SFTPA2: variants seen among roughly 807,000 people sequenced by gnomAD.
SFTPA2 encodes the protein surfactant protein A2.
In SFTPA2, 21 loss-of-function variants were observed where a neutral mutation model predicts 20.3. That is an observed-to-expected ratio of 1.03 (90% CI 0.73 to 1.49). The LOEUF (loss-of-function observed/expected upper bound fraction) is 1.49. Among genes scored for constraint, SFTPA2 ranks in the 40% most tolerant of loss-of-function variants. The pLI is 0.00. For missense variants in SFTPA2, 302 were observed against 314.8 expected (o/e 0.96, Z 0.31); for synonymous variants, 116 against 118.7 (o/e 0.98, Z 0.15).
In SFTPA2 at chr10:79,558,955, G is replaced by A. The variant is rs759254147; in HGVS notation, c.223C>T (p.Leu75=). Reference sequence around the variant, plus strand: ...CCAGGGACACCAGGGGCTCCAGGCAGCCCATTATTCCCAGGAGGACATGGT... The same window carrying A: ...CCAGGGACACCAGGGGCTCCAGGCAACCCATTATTCCCAGGAGGACATGGT... ...ETPCPPGNNG[L]PGAPGVPGER... is the part of the protein sequence containing the mutation. The change falls in exon 4 of 6, where the codon CTG becomes TTG. Residue 75 remains leucine (L), a synonymous_variant. Transcript: ENST00000372325. The A allele has an allele frequency of 3.6e-5, 58 of 1,613,990 alleles. 1 individual carries two copies. In the South Asian group the frequency reaches 5.4e-4, roughly 15 times the overall value.
chr10:79,558,067 G>C lies in SFTPA2; in HGVS notation c.355C>G (p.Leu119Val), dbSNP rs745542261. ...ATLHDFRHQI[L>V]QTRGALSLQG... ...GTCCCCTTACCTCCCCTTGTCTGCA[G>C]GATTTGATGTCTGAAGTCGTGGAGT... Residue 119 changes from leucine to valine, a missense_variant, in exon 5 of 6, where the codon CTG becomes GTG. By Grantham distance (32) the Leu-to-Val change is conservative. Coordinates refer to ENST00000372325, the MANE Select transcript of SFTPA2 (RefSeq NM_001098668.4). 1.1e-5 allele frequency: 17 copies of C among 1,613,982 alleles called. No individual in the cohort carries two copies. In the Admixed American group the frequency reaches 2.8e-4, roughly 27 times the overall value.
Position 79,557,904 on chromosome 10 carries a change from C to T in SFTPA2, c.370+148G>A, listed in dbSNP as rs1025898073. The T allele has an allele frequency of 1.8e-5, 24 of 1,370,838 alleles. No homozygotes were observed. The African/African-American group carries it at 3.0e-4, about 17-fold the overall frequency. 84.9% of individuals were successfully genotyped at this position (1,370,838 alleles called of 1,614,324 possible). A position where few individuals can be genotyped will look rare whatever the true frequency, so the allele number is the denominator to read the frequency against. ...GTCTGCTTGTCTCCTCTTGGCCATT[C>T]AAAGACATCAGAAAAGCAAGCATCA... On this transcript the variant is annotated intron_variant, in intron 5 of 5. Coordinates refer to ENST00000372325, the MANE Select transcript of SFTPA2 (RefSeq NM_001098668.4).
intron 2 of SFTPA2, 92 bp downstream of exon 2, chr10:79,559,877 A>G (rs1859088801): frequency 2.2e-6 from 3 of 1,384,932 alleles, no homozygotes; most frequent in Non-Finnish European, 2.8e-6. Flanking sequence ...GCTCTGCAGA[A>G]AACCTGCCCT....
intron 4 of SFTPA2, 126 bp downstream of exon 4, chr10:79,558,760 T>A: frequency 6.6e-7 from 1 of 1,512,310 alleles, no homozygotes; most frequent in Non-Finnish European, 9.2e-7. Context: ...CATATTCTCT[T>A]ACTTAGGTTG....
rs748132414 is a variant in SFTPA2, at chr10:79,558,164, G to A, written c.293-35C>T. 1.9e-6 allele frequency: 3 copies of A among 1,613,830 alleles called. No individual in the cohort carries two copies. The South Asian group carries it at 3.3e-5, about 18-fold the overall frequency. On this transcript the variant is annotated intron_variant, in intron 4 of 5. Coordinates refer to ENST00000372325, the MANE Select transcript of SFTPA2 (RefSeq NM_001098668.4). The stretch of plus-strand genomic sequence containing the variant: ...GTGCCCCACACAGAAGGAGGGGCAG[G>A]CCAGTGAAGACTCCCACTTGCTGCC...
chr10:79,560,006 T>G lies in SFTPA2; in HGVS notation c.-53-8A>C. The G allele has an allele frequency of 8.6e-7, 1 of 1,161,614 alleles. No homozygotes were observed. Among genetic ancestry groups the G allele is most frequent in the Non-Finnish European group, 1.1e-6 (1 of 936,882 alleles). 72.0% of individuals were successfully genotyped at this position (1,161,614 alleles called of 1,614,324 possible). On this transcript the variant is annotated splice_polypyrimidine_tract_variant and splice_region_variant and intron_variant, in intron 1 of 5. Coordinates refer to ENST00000372325, the MANE Select transcript of SFTPA2 (RefSeq NM_001098668.4). The stretch of plus-strand genomic sequence containing the variant: ...CTCCAAGAAATCAGCGACCTGAGAA[T>G]GAAAAGAGATGAATAGGGCCCACAG...
rs966470674 is a variant in SFTPA2, at chr10:79,559,980, G to T, written c.-35C>A. 2 of 1,216,524 alleles carry T rather than the reference G, an allele frequency of 1.6e-6. No homozygotes were observed. The highest frequency in any genetic ancestry group is 2.1e-6 in the Non-Finnish European group (2 of 972,024). The allele number at this position is 1,216,524 out of a possible 1,614,324, so 75.4% of individuals were successfully genotyped here. ...ATATGCCCAGTTACCTTCTTTTCAGGCTCCAAGAAATCAGCGACCTGAGAA... is the reference window on the plus strand; with the variant it reads ...ATATGCCCAGTTACCTTCTTTTCAGTCTCCAAGAAATCAGCGACCTGAGAA... On this transcript the variant is annotated 5_prime_UTR_variant, in exon 2 of 6. Transcript: ENST00000372325.
intron 5 of SFTPA2, 74 bp from the exon 6 acceptor site, chr10:79,557,659 G>A (rs1213729898): frequency 6.2e-7 from 1 of 1,602,112 alleles, no homozygotes; most frequent in Non-Finnish European, 8.5e-7. Context: ...TAGGGTCTCT[G>A]CTACCAGATT....
Position 79,557,106 on chromosome 10 carries a change from T to C in SFTPA2, c.*103A>G. The stretch of plus-strand genomic sequence containing the variant: ...TCCAGCTCTAATAGCCACAAGTGAA[T>C]TCTGTTGAAAGGGAGTTCTAGCATC... On this transcript the variant is annotated 3_prime_UTR_variant, in exon 6 of 6. Coordinates refer to ENST00000372325, the MANE Select transcript of SFTPA2 (RefSeq NM_001098668.4). 6.3e-7 allele frequency: 1 copy of C among 1,597,664 alleles called. No individual in the cohort carries two copies. The highest frequency in any genetic ancestry group is 8.6e-7 in the Non-Finnish European group (1 of 1,168,842).
rs1859045947 is a variant in SFTPA2 at position 79,559,421 on chromosome 10, T to G, written c.63A>C (p.Glu21Asp). The change falls in exon 3 of 6, where the codon GAA becomes GAC. Residue 21 changes from glutamate to aspartate, a missense_variant. Around this residue, in one of 3 missense-constraint regions of SFTPA2, gnomAD observed 31 missense variants for 29.8 expected, o/e 1.04. Transcript: ENST00000372325. ...GGCTTCCAACACAAACGTCCTTCAC[T>G]TCGCACGCAGCACCAGAGGCTGCCA... Reference protein sequence around the residue: ...ILMAASGAACEVKDVCVGSPG... With the variant: ...ILMAASGAACDVKDVCVGSPG... 6.2e-7 allele frequency: 1 copy of G among 1,613,516 alleles called. No homozygotes were observed.
At chr10:79,558,558 T>A (rs1336361858) in intron 4 of SFTPA2, among the ~76,000 whole-genome samples, 1 of 152,066 alleles carries the variant, frequency 6.6e-6, no homozygotes, top group Non-Finnish European at 1.5e-5. Context: ...CTCGTCCGCA[T>A]TCACCCTTCA....
In SFTPA2 at chr10:79,559,450, A is replaced by G. The variant is rs1390109965; in HGVS notation, c.34T>C (p.Leu12=). The change falls in exon 3 of 6, where the codon TTG becomes CTG. Residue 12 remains leucine (L), a synonymous_variant. Transcript: ENST00000372325. ...WLCPLALTLI[L]MAASGAACEV... is the part of the protein sequence containing the mutation. ...CACGCAGCACCAGAGGCTGCCATCA[A>G]GATGAGGGTGAGGGCCAGAGGGCAC... The G allele has an allele frequency of 1.5e-5, 25 of 1,613,460 alleles. No individual in the cohort carries two copies. Among genetic ancestry groups the G allele is most frequent in the Non-Finnish European group, 2.1e-5 (25 of 1,179,708 alleles).
At chr10:79,559,151 A>G in intron 3 of SFTPA2, 146 bp from the exon 4 acceptor site, 1 of 1,556,066 alleles carries the variant, frequency 6.4e-7, no homozygotes, top group Non-Finnish European at 8.8e-7. Context: ...ATGCGCCATC[A>G]TAAGGGCCCC....
Position 79,557,211 on chromosome 10 carries a change from A to G in SFTPA2, c.745T>C (p.Ter249ArgextTer52), listed in dbSNP as rs542441694. 6 of 1,614,196 alleles carry G rather than the reference A, an allele frequency of 3.7e-6. No individual in the cohort carries two copies. The highest frequency in any genetic ancestry group is 1.7e-5 in the Admixed American group (1 of 60,034). The part of the protein sequence containing the change: ...LYSRLTICEF[*>R] ...CTGTCCCATGGCCTAAATGCCTCTC[A>G]GAACTCACAGATGGTCAGTCGGGAG... Residue 249 changes from the stop codon to arginine, a stop_lost, in exon 6 of 6, where the codon TGA becomes CGA. Transcript: ENST00000372325.
rs768012814 is a variant in SFTPA2 at position 79,558,993 on chromosome 10, G to A, written c.185C>T (p.Pro62Leu). ...AGGAGGACATGGTGTTTCTCCAGGC[G>A]GACCCATGGGGCCTGCAGAGAAAAG... Reference protein sequence around the residue: ...GDPGPPGPMGPPGETPCPPGN... With the variant: ...GDPGPPGPMGLPGETPCPPGN... The change falls in exon 4 of 6, where the codon CCG becomes CTG. Residue 62 changes from proline (P) to leucine (L), a missense_variant. By Grantham distance (98) the Pro-to-Leu change is moderately conservative. Around this residue, in one of 3 missense-constraint regions of SFTPA2, gnomAD observed 264 missense variants for 261.7 expected, o/e 1.01. Coordinates refer to ENST00000372325, the MANE Select transcript of SFTPA2 (RefSeq NM_001098668.4). 3.0e-5 allele frequency: 49 copies of A among 1,614,016 alleles called. No individual in the cohort carries two copies. The highest frequency in any genetic ancestry group is 1.7e-4 in the African/African-American group (13 of 74,912).
Position 79,558,926 on chromosome 10 carries a change from C to A in SFTPA2, c.252G>T (p.Glu84Asp), listed in dbSNP as rs747209364. 4 of 1,614,068 alleles carry A rather than the reference C, an allele frequency of 2.5e-6. No individual in the cohort carries two copies. In the African/African-American group the frequency reaches 5.3e-5, roughly 22 times the overall value. ...CGCCAGCCTCCCCCTTCTCTCCACG[C>A]TCTCCAGGGACACCAGGGGCTCCAG... is the stretch of plus-strand genomic sequence containing the variant. The part of the protein sequence containing the change: ...GLPGAPGVPG[E>D]RGEKGEAGER... The change falls in exon 4 of 6, where the codon GAG (glutamate) becomes GAT (aspartate). Residue 84 changes from glutamate to aspartate, a missense_variant. By Grantham distance (45) the Glu-to-Asp change is conservative. Transcript: ENST00000372325.
Position 79,558,890 on chromosome 10 carries a change from A to G in SFTPA2, c.288T>C (p.Pro96=). 1 of 1,613,970 alleles carries G rather than the reference A, an allele frequency of 6.2e-7. No individual in the cohort carries two copies. Among genetic ancestry groups the G allele is most frequent in the Middle Eastern group, 1.6e-4 (1 of 6,062 alleles). Residue 96 remains proline (P), a synonymous_variant, in exon 4 of 6, where the codon CCT becomes CCC. Coordinates refer to ENST00000372325, the MANE Select transcript of SFTPA2 (RefSeq NM_001098668.4). ...GEKGEAGERG[P]PGLPAHLDEE... ...CACCTGCCCCGCCCTGCTCACCTGG[A>G]GGGCCTCTCTCGCCAGCCTCCCCCT...
chr10:79,558,225 T>G, intron 4 of SFTPA2, 96 bp from the exon 5 acceptor site: 1 of 1,608,404 alleles, frequency 6.2e-7, no homozygotes, highest in Non-Finnish European at 8.5e-7. Flanking sequence ...CCTGGAACTC[T>G]GCCCTTTCAT....
intron 5 of SFTPA2, 123 bp downstream of exon 5, chr10:79,557,929 A>T: frequency 1.3e-6 from 2 of 1,489,904 alleles, no homozygotes; most frequent in Non-Finnish European, 1.9e-6. Context: ...AGCAAGCATC[A>T]TTCCTTTCCC....
Sources: gnomAD v4.1 joint callset for allele counts (sites outside exome capture counted in the v4.1 genomes callset) on GRCh38, gnomAD v4.1.1 for gene constraint, gnomAD v4.1.1 regional missense constraint, MANE v1.5 for transcripts, NCBI Gene and HGNC (gene_info 2026-07-23, HGNC 2026-07-21) for gene names.